Variants in MAP3K15 observed in about 807,000 individuals in gnomAD.
MAP3K15 encodes the protein MAPK/ERK kinase kinase 15.
Under a neutral mutation model 99.5 loss-of-function variants are expected in MAP3K15, and 124 were observed. The ratio of observed to expected loss-of-function variants is 1.25; its 90% CI spans 1.08 to 1.45. The LOEUF (loss-of-function observed/expected upper bound fraction) is 1.45, where lower values mean the gene tolerates loss of function less well. MAP3K15 is among the 40% of genes most tolerant of loss of function. The pLI is 0.00. For missense variants in MAP3K15, 1,242 were observed against 1,079.7 expected, an observed-to-expected ratio of 1.15 and a Z score of -2.11; for synonymous variants, 494 against 439.6, an observed-to-expected ratio of 1.12 and a Z score of -1.55.
intron 15 of MAP3K15, 96 bp from the exon 16 acceptor site, chrX:19,395,304 C>A: frequency 1.1e-6 from 1 of 890,115 alleles, no homozygotes; most frequent in Non-Finnish European, 1.6e-6. Context: ...GCTGCCCATC[C>A]CTTCTTTCTG....
chrX:19,487,924 C>T (rs1030197676), intron 2 of MAP3K15, among the ~76,000 whole-genome samples: 1 of 110,809 alleles, frequency 9.0e-6, no homozygotes, highest in African/African-American at 3.3e-5. Context: ...CATGGTTGCA[C>T]ATTTGGGAGG....
intron 6 of MAP3K15, among the ~76,000 whole-genome samples, chrX:19,433,355 C>A (rs1290190271): frequency 9.0e-6 from 1 of 111,575 alleles, no homozygotes; most frequent in Non-Finnish European, 1.9e-5. Context: ...GGTGGCATCA[C>A]GCAATCCATT....
At chrX:19,394,751 G>A (rs188107329) in intron 16 of MAP3K15, among the ~76,000 whole-genome samples, 329 of 87,657 alleles carry the variant, frequency 3.8e-3, no homozygotes, top group African/African-American at 0.013. Context: ...ATGACATTTG[G>A]AAAGTATCCA....
At chrX:19,371,295 A>C (rs1409805877) in intron 23 of MAP3K15, 50 bp downstream of exon 23, 1 of 1,136,958 alleles carries the variant, frequency 8.8e-7, no homozygotes, top group African/African-American at 1.8e-5. Flanking sequence ...GGAGGTGGTA[A>C]CTGAATTCCA....
intron 6 of MAP3K15, among the ~76,000 whole-genome samples, chrX:19,447,701 G>A (rs1490850704): frequency 2.1e-5 from 2 of 96,543 alleles, no homozygotes; most frequent in South Asian, 5.6e-4. Context: ...GGCTAAAAGC[G>A]GTGAAACCCC....
At chrX:19,424,301 T>A (rs1362556413) in intron 9 of MAP3K15, among the ~76,000 whole-genome samples, 1 of 96,918 alleles carries the variant, frequency 1.0e-5, no homozygotes, top group Non-Finnish European at 1.9e-5. Context: ...TACACATATA[T>A]ATACACACAT....
intron 1 of MAP3K15, among the ~76,000 whole-genome samples, chrX:19,506,504 G>A (rs2064478451): frequency 8.9e-6 from 1 of 111,974 alleles, no homozygotes; most frequent in Admixed American, 9.5e-5. Context: ...GGAGACTGAA[G>A]CCCTAGTCTT....
intron 1 of MAP3K15, among the ~76,000 whole-genome samples, chrX:19,499,304 G>A (rs1218855377): frequency 2.7e-5 from 3 of 112,236 alleles, no homozygotes; most frequent in Non-Finnish European, 5.6e-5. Flanking sequence ...TGAAGCCACT[G>A]AAACTGTCAC....
chrX:19,473,342 A>G (rs747299394), intron 3 of MAP3K15, among the ~76,000 whole-genome samples: 1 of 112,234 alleles, frequency 8.9e-6, no homozygotes, highest in Admixed American at 9.5e-5. Flanking sequence ...GAATAAACCT[A>G]AACATCTTCA....
chrX:19,484,261 G>A (rs755779027), intron 3 of MAP3K15, among the ~76,000 whole-genome samples: 1 of 111,181 alleles, frequency 9.0e-6, no homozygotes, highest in East Asian at 2.8e-4. Flanking sequence ...GATTCTTACA[G>A]GAGTGCAAAC....
chrX:19,488,514 T>G (rs1427025026), intron 2 of MAP3K15, among the ~76,000 whole-genome samples: 1 of 111,844 alleles, frequency 8.9e-6, no homozygotes, highest in Non-Finnish European at 1.9e-5. Context: ...TGTGTAGGTT[T>G]GGATCCAATT....
intron 1 of MAP3K15, among the ~76,000 whole-genome samples, chrX:19,495,553 T>G (rs891253365): frequency 1.8e-5 from 2 of 108,882 alleles, no homozygotes; most frequent in East Asian, 2.9e-4. Context: ...AAATCTTTTG[T>G]TTTTTTTTCA....
At chrX:19,453,838 A>G (rs2064074344) in intron 6 of MAP3K15, among the ~76,000 whole-genome samples, 1 of 112,103 alleles carries the variant, frequency 8.9e-6, no homozygotes, top group Admixed American at 9.5e-5. Context: ...TTATATCCAC[A>G]TGGAAATTAA....
chrX:19,486,021 A>T (rs1000340270), intron 3 of MAP3K15, among the ~76,000 whole-genome samples: 2 of 112,185 alleles, frequency 1.8e-5, no homozygotes, highest in Non-Finnish European at 3.8e-5. Context: ...AGAAGGAAGT[A>T]GAATTCCATC....
Position 19,431,533 on chromosome X carries a change from G to A in MAP3K15, c.1071C>T (p.Gly357=). 1.7e-6 allele frequency: 2 copies of A among 1,199,578 alleles called. No individual in the cohort carries two copies. The highest frequency in any genetic ancestry group is 3.5e-5 in the South Asian group (2 of 56,907). The part of the protein sequence containing the change: ...LQVLQSCDHP[G]PDMFCLCGRI... ...TCCCACACAGGCAGAACATGTCGGG[G>A]CCCGGGTGATCACAGCTCTGCAGAA... is the stretch of plus-strand genomic sequence containing the variant. The change falls in exon 7 of 29, where the codon GGC becomes GGT. Residue 357 remains glycine (G), a synonymous_variant. Transcript: ENST00000338883.
At chrX:19,366,230 C>G (rs1273548425) in intron 25 of MAP3K15, among the ~76,000 whole-genome samples, 1 of 110,736 alleles carries the variant, frequency 9.0e-6, no homozygotes. Context: ...TGCCTGCCTT[C>G]ATCCTGGTCT....
In MAP3K15 at chrX:19,436,387, C is replaced by T. The variant is rs527925816; in HGVS notation, c.996-4779G>A. 2.7e-5 allele frequency among the ~76,000 whole-genome samples: 3 copies of T among 110,549 alleles called. No individual in the cohort carries two copies. The South Asian group carries it at 1.2e-3, about 43-fold the overall frequency. On this transcript the variant is annotated intron_variant, in intron 6 of 28. Coordinates refer to ENST00000338883, the MANE Select transcript of MAP3K15 (RefSeq NM_001001671.4). Reference sequence around the variant, plus strand: ...TGGACTACTTTTATCATCTGATTTGCAGGACACCACACTCGCCCGATTTTC... The same window carrying T: ...TGGACTACTTTTATCATCTGATTTGTAGGACACCACACTCGCCCGATTTTC...
At chrX:19,439,474 T>C (rs910686833) in intron 6 of MAP3K15, among the ~76,000 whole-genome samples, 1 of 111,286 alleles carries the variant, frequency 9.0e-6, no homozygotes, top group African/African-American at 3.3e-5. Context: ...GTTTATTGTA[T>C]GGTGGTTTTT....
In MAP3K15 at chrX:19,371,081, T is replaced by TAATAA. The variant is rs771265515; in HGVS notation, c.3295-22_3295-18dup. The TAATAA allele has an allele frequency of 1.1e-5, 10 of 946,718 alleles. No individual in the cohort carries two copies. Among genetic ancestry groups the TAATAA allele is most frequent in the Non-Finnish European group, 1.4e-5 (10 of 703,635 alleles). The allele number at this position is 946,718 out of a possible 1,213,427, so 78.0% of individuals were successfully genotyped here. A position where few individuals can be genotyped will look rare whatever the true frequency, so the allele number is the denominator to read the frequency against. On this transcript the variant is annotated splice_polypyrimidine_tract_variant and intron_variant, in intron 23 of 28. Coordinates refer to ENST00000338883, the MANE Select transcript of MAP3K15 (RefSeq NM_001001671.4). ...TTTATTTACCTAAAAAAAAAAAAAA[T>TAATAA]AATAAAATAAACTAAAATCACAAAA...
Sources: allele counts gnomAD v4.1 joint callset (sites outside exome capture counted in the v4.1 genomes callset), GRCh38; gene constraint gnomAD v4.1.1; transcripts MANE v1.5; gene names NCBI Gene and HGNC (gene_info 2026-07-23, HGNC 2026-07-21).